Variants in SLC16A12 observed in about 807,000 individuals in gnomAD.
SLC16A12 encodes monocarboxylate transporter 12.
In SLC16A12, 17 loss-of-function variants were observed where a neutral mutation model predicts 42.4. The observed-to-expected ratio is 0.40, with a 90% CI of 0.27 to 0.60. The LOEUF is 0.60. Among genes scored for constraint, SLC16A12 ranks in the 20% least tolerant of loss-of-function variants. The pLI is 0.42. For missense variants in SLC16A12, 544 were observed against 623.0 expected (o/e 0.87, Z 1.35); for synonymous variants, 224 against 229.4 (o/e 0.98, Z 0.21).
Position 89,546,062 on chromosome 10 carries a change from C to A in SLC16A12, c.-47+9820G>T, listed in dbSNP as rs180947135. 1.7e-3 allele frequency among the ~76,000 whole-genome samples: 258 copies of A among 151,680 alleles called. 2 individuals are homozygous for A. Among genetic ancestry groups the A allele is most frequent in the Non-Finnish European group, 3.2e-3 (215 of 67,992 alleles). ...AACTCAAGATGGATTAAAGACTTAACTGTAAAACCCAAAACCATAAAAACC... is the reference window on the plus strand; with the variant it reads ...AACTCAAGATGGATTAAAGACTTAAATGTAAAACCCAAAACCATAAAAACC... On this transcript the variant is annotated intron_variant, in intron 2 of 2. Transcript: ENST00000475682.
At chr10:89,552,162 C>A (rs59415468) in intron 2 of SLC16A12, among the ~76,000 whole-genome samples, 1 of 152,092 alleles carries the variant, frequency 6.6e-6, no homozygotes, top group Non-Finnish European at 1.5e-5. Context: ...TCTTGAACTC[C>A]TGACCTTTTG....
intron 2 of SLC16A12, among the ~76,000 whole-genome samples, chr10:89,509,162 A>C (rs936108984): frequency 6.6e-6 from 1 of 152,226 alleles, no homozygotes; most frequent in Non-Finnish European, 1.5e-5. Context: ...ATTCTACCAG[A>C]GTTATAAAGA....
chr10:89,546,780 A>G (rs1258752955), intron 2 of SLC16A12, among the ~76,000 whole-genome samples: 1 of 150,778 alleles, frequency 6.6e-6, no homozygotes, highest in Non-Finnish European at 1.5e-5. Context: ...CATGAAATCA[A>G]CCCAAATGCC....
intron 2 of SLC16A12, among the ~76,000 whole-genome samples, chr10:89,488,483 C>A (rs1842797096): frequency 6.6e-6 from 1 of 152,134 alleles, no homozygotes; most frequent in African/African-American, 2.4e-5. Flanking sequence ...AATTCCATGC[C>A]TATAGGAGTG....
intron 2 of SLC16A12, among the ~76,000 whole-genome samples, chr10:89,477,291 G>A (rs899219200): frequency 3.3e-5 from 5 of 152,098 alleles, no homozygotes; most frequent in South Asian, 2.1e-4. Flanking sequence ...CAGCCCAGGC[G>A]CAGTGGCTCA....
chr10:89,460,034 CAT>C (rs1842270014), intron 3 of SLC16A12, among the ~76,000 whole-genome samples: 1 of 152,212 alleles, frequency 6.6e-6, no homozygotes, highest in South Asian at 2.1e-4. Context: ...ACAAGGCTCA[CAT>C]GAGGCAATGT....
chr10:89,555,531 A>T (rs1452058639), intron 2 of SLC16A12, among the ~76,000 whole-genome samples: 4 of 146,014 alleles, frequency 2.7e-5, no homozygotes, highest in Non-Finnish European at 6.0e-5. Context: ...ATGTGTATAT[A>T]TACGTATGTA....
chr10:89,445,827 C>T (rs192731179), intron 3 of SLC16A12, among the ~76,000 whole-genome samples: 1,759 of 152,210 alleles, frequency 0.012, 11 homozygotes, highest in Middle Eastern at 0.017. Flanking sequence ...GGAGGATGTT[C>T]GAACCCATCA....
At chr10:89,441,051 G>A (rs1226660028) in intron 5 of SLC16A12, 57 bp downstream of exon 5, 7 of 1,599,808 alleles carry the variant, frequency 4.4e-6, no homozygotes, top group Non-Finnish European at 5.1e-6. Flanking sequence ...CTCTGTTGAT[G>A]TGCTTGGAAA....
chr10:89,472,281 T>C (rs1235743667), intron 2 of SLC16A12, among the ~76,000 whole-genome samples: 1 of 107,820 alleles, frequency 9.3e-6, no homozygotes, highest in African/African-American at 3.6e-5. Flanking sequence ...TGCATTATTT[T>C]TACATTAATA....
intron 2 of SLC16A12, among the ~76,000 whole-genome samples, chr10:89,475,961 G>C (rs1457549598): frequency 6.6e-6 from 1 of 152,160 alleles, no homozygotes; most frequent in Non-Finnish European, 1.5e-5. Context: ...GCTTACTTCT[G>C]AGTGGTTGAA....
Position 89,535,578 on chromosome 10 carries a change from C to T in SLC16A12, c.-323G>A, listed in dbSNP as rs1175790096. On this transcript the variant is annotated 5_prime_UTR_variant, in exon 1 of 8. Coordinates refer to ENST00000371790, the MANE Select transcript of SLC16A12 (RefSeq NM_213606.4). ...CTGAGCCCGGGACAGCCCAGAGCTC[C>T]AGCGCTCCAGCGCTCTGCAGCCCGC... 1.3e-5 allele frequency: 2 copies of T among 152,332 alleles called. No homozygotes were observed. Among genetic ancestry groups the T allele is most frequent in the Admixed American group, 1.3e-4 (2 of 15,290 alleles). 9.4% of individuals were successfully genotyped at this position (152,332 alleles called of 1,614,324 possible). A position where few individuals can be genotyped will look rare whatever the true frequency, so the allele number is the denominator to read the frequency against.
chr10:89,436,452 T>A (rs1011514666), intron 6 of SLC16A12, 133 bp from the exon 7 acceptor site: 2 of 1,060,882 alleles, frequency 1.9e-6, no homozygotes, highest in African/African-American at 3.2e-5. Context: ...TTATGTATGC[T>A]GTCTTCCTAT....
At chr10:89,527,732 A>T (rs1843478203) in intron 2 of SLC16A12, among the ~76,000 whole-genome samples, 1 of 151,766 alleles carries the variant, frequency 6.6e-6, no homozygotes, top group Non-Finnish European at 1.5e-5. Flanking sequence ...TGAGCCTAGT[A>T]GTTCAAGGCT....
chr10:89,555,534 C>CATATCT (rs1843806515), intron 2 of SLC16A12, among the ~76,000 whole-genome samples: 1 of 121,280 alleles, frequency 8.2e-6, no homozygotes, highest in Non-Finnish European at 1.8e-5. Flanking sequence ...TGTATATATA[C>CATATCT]GTATGTATGT....
intron 2 of SLC16A12, among the ~76,000 whole-genome samples, chr10:89,518,720 C>A (rs199699525): frequency 2.0e-5 from 3 of 152,172 alleles, no homozygotes; most frequent in Non-Finnish European, 4.4e-5. Flanking sequence ...GGGCCTCCAT[C>A]TTCTACCTAC....
chr10:89,455,611 T>C (rs1314688179), intron 3 of SLC16A12, among the ~76,000 whole-genome samples: 1 of 152,202 alleles, frequency 6.6e-6, no homozygotes, highest in Non-Finnish European at 1.5e-5. Flanking sequence ...AGTTTCATGA[T>C]GTATGCCTCT....
intron 2 of SLC16A12, among the ~76,000 whole-genome samples, chr10:89,495,537 C>T (rs1842911506): frequency 6.6e-6 from 1 of 152,168 alleles, no homozygotes. Flanking sequence ...AATCTTGATA[C>T]ATCCATCAAA....
chr10:89,508,062 C>A (rs1843096188), intron 2 of SLC16A12, among the ~76,000 whole-genome samples: 1 of 152,084 alleles, frequency 6.6e-6, no homozygotes, highest in Non-Finnish European at 1.5e-5. Flanking sequence ...AACAGGAGCA[C>A]CCAGATTCAT....
Sources: allele counts gnomAD v4.1 joint callset (sites outside exome capture counted in the v4.1 genomes callset), GRCh38; gene constraint gnomAD v4.1.1; transcripts MANE v1.5; gene names NCBI Gene and HGNC (gene_info 2026-07-23, HGNC 2026-07-21).